MARCHF1: variants seen among roughly 807,000 people sequenced by gnomAD.
MARCHF1 encodes E3 ubiquitin-protein ligase MARCHF1.
In MARCHF1, 40 loss-of-function variants were observed where a neutral mutation model predicts 54.2. The ratio of observed to expected loss-of-function variants is 0.74; its 90% CI spans 0.57 to 0.96. MARCHF1 has a LOEUF of 0.96. Ranked by LOEUF, MARCHF1 falls within the 40% of genes least tolerant of loss-of-function variation. MARCHF1 has a pLI of 0.00. For missense variants in MARCHF1, 586 were observed against 656.5 expected, an observed-to-expected ratio of 0.89 and a Z score of 1.17; for synonymous variants, 236 against 236.3, an observed-to-expected ratio of 1.00 and a Z score of 0.01.
intron 4 of MARCHF1, among the ~76,000 whole-genome samples, chr4:163,794,564 TCA>T (rs1327962220): frequency 6.6e-6 from 1 of 152,194 alleles, no homozygotes; most frequent in Non-Finnish European, 1.5e-5. Flanking sequence ...GTAACAACAT[TCA>T]CAGTGTCTGA....
chr4:163,750,426 G>A (rs1027641564), intron 4 of MARCHF1, among the ~76,000 whole-genome samples: 4 of 150,228 alleles, frequency 2.7e-5, no homozygotes, highest in Non-Finnish European at 5.9e-5. Flanking sequence ...CAGGAGAATC[G>A]CTTGAACCCA....
intron 5 of MARCHF1, among the ~76,000 whole-genome samples, chr4:163,629,011 A>C (rs1460012455): frequency 6.6e-6 from 1 of 152,196 alleles, no homozygotes; most frequent in Non-Finnish European, 1.5e-5. Context: ...ATCCCCATCA[A>C]ACTACCAATG....
At chr4:163,990,341 T>C (rs370315375) in intron 2 of MARCHF1, among the ~76,000 whole-genome samples, 12 of 151,892 alleles carry the variant, frequency 7.9e-5, no homozygotes, top group East Asian at 5.9e-4. Context: ...AAGGGTACAG[T>C]TCTGAACTGG....
intron 1 of MARCHF1, among the ~76,000 whole-genome samples, chr4:164,229,996 C>A (rs1732372459): frequency 6.6e-6 from 1 of 152,180 alleles, no homozygotes; most frequent in Non-Finnish European, 1.5e-5. Context: ...TACCACCTGC[C>A]TTGACTTTCT....
At chr4:163,936,512 G>T (rs937329032) in intron 3 of MARCHF1, among the ~76,000 whole-genome samples, 2 of 152,156 alleles carry the variant, frequency 1.3e-5, no homozygotes, top group Admixed American at 6.5e-5. Context: ...ATTCAGAGAG[G>T]AGCACACTAG....
At chr4:164,200,542 C>T (rs139814752) in intron 1 of MARCHF1, among the ~76,000 whole-genome samples, 56 of 151,780 alleles carry the variant, frequency 3.7e-4, no homozygotes, top group African/African-American at 1.3e-3. Flanking sequence ...CCATGGCCTT[C>T]TGTCTAACAC....
At chr4:163,573,318 TA>T (rs1351623440) in intron 8 of MARCHF1, among the ~76,000 whole-genome samples, 1 of 147,808 alleles carries the variant, frequency 6.8e-6, no homozygotes, top group Non-Finnish European at 1.5e-5. Flanking sequence ...TTATTATTAT[TA>T]TTATTATTAT....
intron 3 of MARCHF1, among the ~76,000 whole-genome samples, chr4:163,899,455 C>A (rs572748538): frequency 6.6e-6 from 1 of 152,148 alleles, no homozygotes. Flanking sequence ...TTCCCTCCTA[C>A]TTCTTTGTGT....
At chr4:164,200,121 C>T (rs1731413733) in intron 1 of MARCHF1, among the ~76,000 whole-genome samples, 1 of 152,152 alleles carries the variant, frequency 6.6e-6, no homozygotes, top group South Asian at 2.1e-4. Flanking sequence ...CTCTGCACTC[C>T]TATGCATGGT....
intron 4 of MARCHF1, among the ~76,000 whole-genome samples, chr4:163,844,011 A>C (rs962966031): frequency 6.6e-6 from 1 of 151,820 alleles, no homozygotes; most frequent in African/African-American, 2.4e-5. Flanking sequence ...TCAGGGGTAC[A>C]AGTACAGTTT....
At chr4:164,140,315 C>A (rs1241709681) in intron 1 of MARCHF1, among the ~76,000 whole-genome samples, 1 of 150,782 alleles carries the variant, frequency 6.6e-6, no homozygotes, top group Non-Finnish European at 1.5e-5. Flanking sequence ...TTTGAATAAA[C>A]AAAAAAATCA....
At chr4:163,631,306 C>T (rs531989725) in intron 5 of MARCHF1, among the ~76,000 whole-genome samples, 1 of 151,996 alleles carries the variant, frequency 6.6e-6, no homozygotes, top group East Asian at 1.9e-4. Context: ...AATTCTCTTG[C>T]CTCAGCCTCC....
At chr4:163,654,980 T>G (rs2111081700) in intron 5 of MARCHF1, among the ~76,000 whole-genome samples, 1 of 151,600 alleles carries the variant, frequency 6.6e-6, no homozygotes, top group African/African-American at 2.4e-5. Flanking sequence ...TCTTTCTGCT[T>G]TCTACTATCT....
chr4:164,007,998 T>A (rs1295959824), intron 2 of MARCHF1, among the ~76,000 whole-genome samples: 2 of 152,116 alleles, frequency 1.3e-5, no homozygotes, highest in Non-Finnish European at 2.9e-5. Flanking sequence ...TAACTCTGAA[T>A]GTAAATAGTC....
chr4:164,361,690 G>A (rs895449231), intron 1 of MARCHF1, among the ~76,000 whole-genome samples: 9 of 152,118 alleles, frequency 5.9e-5, no homozygotes, highest in Admixed American at 2.6e-4. Flanking sequence ...TTATTGTAGC[G>A]TAATCAATAT....
At chr4:163,581,556 T>C (rs76008893) in intron 8 of MARCHF1, among the ~76,000 whole-genome samples, 2,844 of 152,262 alleles carry the variant, frequency 0.019, 76 homozygotes, top group African/African-American at 0.063. Context: ...AATAACAAGT[T>C]TGGGGCAGTT....
At chr4:163,927,308 A>G (rs547772078) in intron 3 of MARCHF1, among the ~76,000 whole-genome samples, 1 of 151,902 alleles carries the variant, frequency 6.6e-6, no homozygotes, top group South Asian at 2.1e-4. Flanking sequence ...CTTGCAGCTG[A>G]AAGAGTTTCA....
chr4:164,184,734 A>G (rs1307697154), intron 1 of MARCHF1, among the ~76,000 whole-genome samples: 4 of 152,346 alleles, frequency 2.6e-5, no homozygotes, highest in South Asian at 4.1e-4. Flanking sequence ...TGAGATACAC[A>G]GGAAAGGCCC....
chr4:163,975,190 TCTCTCTCA>T (rs1404565574), intron 3 of MARCHF1, among the ~76,000 whole-genome samples: 1,754 of 120,294 alleles, frequency 0.015, 13 homozygotes, highest in East Asian at 0.022. Context: ...TCTCTCTCTC[TCTCTCTCA>T]CACACACACA....
Sources: gnomAD v4.1 joint callset for allele counts (sites outside exome capture counted in the v4.1 genomes callset) on GRCh38, gnomAD v4.1.1 for gene constraint, MANE v1.5 for transcripts, NCBI Gene and HGNC (gene_info 2026-07-23, HGNC 2026-07-21) for gene names.